The following ADAMTSL1 variants were observed in gnomAD, a reference collection of about 807,000 sequenced individuals.
The protein encoded by ADAMTSL1 is ADAMTS-like protein 1.
Under a neutral mutation model 201.8 loss-of-function variants are expected in ADAMTSL1, and 126 were observed. The observed-to-expected ratio is 0.62, with a 90% CI of 0.54 to 0.72. ADAMTSL1 has a LOEUF of 0.72. ADAMTSL1 is among the 30% of genes least tolerant of loss of function. The probability of loss-of-function intolerance (pLI) is 0.00; values close to 1 mark genes in which losing one functional copy is unlikely to be tolerated. For synonymous variants in ADAMTSL1, 1,121 were observed against 903.4 expected (o/e 1.24, Z -4.32); for missense variants, 2,679 against 2,277.8 (o/e 1.18, Z -3.59).
At chr9:18,830,653 G>A (rs1449511421) in intron 23 of ADAMTSL1, among the ~76,000 whole-genome samples, 1 of 152,000 alleles carries the variant, frequency 6.6e-6, no homozygotes, top group Non-Finnish European at 1.5e-5. Context: ...TGAAGATGCC[G>A]GAAAAACCTT....
chr9:18,284,367 A>G (rs1470362854), intron 2 of ADAMTSL1, among the ~76,000 whole-genome samples: 1 of 152,132 alleles, frequency 6.6e-6, no homozygotes, highest in Non-Finnish European at 1.5e-5. Flanking sequence ...ATTTTAGCAT[A>G]TTCGGTTTTA....
intron 2 of ADAMTSL1, among the ~76,000 whole-genome samples, chr9:18,201,367 C>G (rs1829437765): frequency 6.6e-6 from 1 of 152,036 alleles, no homozygotes; most frequent in South Asian, 2.1e-4. Flanking sequence ...GAAGAGCATG[C>G]TTTGTTATGC....
chr9:17,957,626 A>C lies in ADAMTSL1; in HGVS notation c.87+50704A>C, dbSNP rs571887446. 6.4e-4 allele frequency among the ~76,000 whole-genome samples: 98 copies of C among 152,324 alleles called. 1 individual carries two copies. In the South Asian group the frequency reaches 0.019, roughly 29 times the overall value. ...GTAGTGGGTTGAATAGCATCCCCCC[A>C]AATTCATGTCCACTTAGAACCTCAG... is the stretch of plus-strand genomic sequence containing the variant. On this transcript the variant is annotated intron_variant, in intron 1 of 29. Transcript: ENST00000680146.
intron 1 of ADAMTSL1, among the ~76,000 whole-genome samples, chr9:17,980,978 A>G (rs1818667849): frequency 2.0e-5 from 3 of 152,062 alleles, no homozygotes; most frequent in African/African-American, 4.8e-5. Flanking sequence ...TTTTGGGGAA[A>G]CTCTCCTGGG....
At chr9:18,552,789 A>G (rs1820865780) in intron 3 of ADAMTSL1, among the ~76,000 whole-genome samples, 1 of 151,636 alleles carries the variant, frequency 6.6e-6, no homozygotes, top group Non-Finnish European at 1.5e-5. Flanking sequence ...CTTTATCAGT[A>G]GTAATCCTTT....
intron 2 of ADAMTSL1, among the ~76,000 whole-genome samples, chr9:18,225,966 G>C (rs928613185): frequency 6.6e-6 from 1 of 152,010 alleles, no homozygotes; most frequent in Non-Finnish European, 1.5e-5. Flanking sequence ...AGCCTGGTAG[G>C]TGGGTGCTGG....
chr9:18,788,341 T>C (rs1277449220), intron 19 of ADAMTSL1, among the ~76,000 whole-genome samples: 3 of 152,170 alleles, frequency 2.0e-5, no homozygotes, highest in Non-Finnish European at 4.4e-5. Flanking sequence ...TGATTGTCTA[T>C]TTCCCTAAGT....
intron 16 of ADAMTSL1, among the ~76,000 whole-genome samples, chr9:18,755,862 C>A (rs1306667763): frequency 6.6e-6 from 1 of 151,852 alleles, no homozygotes; most frequent in Non-Finnish European, 1.5e-5. Context: ...GTTTGAAGTT[C>A]ATCCAATGCA....
At chr9:18,033,983 C>T (rs1010012494) in intron 1 of ADAMTSL1, among the ~76,000 whole-genome samples, 1 of 152,164 alleles carries the variant, frequency 6.6e-6, no homozygotes, top group Admixed American at 6.6e-5. Context: ...TTCTTCCCTC[C>T]TCTCTTCTCT....
chr9:18,084,211 T>C (rs1266546626), intron 1 of ADAMTSL1, among the ~76,000 whole-genome samples: 1 of 152,122 alleles, frequency 6.6e-6, no homozygotes, highest in African/African-American at 2.4e-5. Context: ...CTGTTCTTTA[T>C]GTAAAATAAA....
intron 9 of ADAMTSL1, among the ~76,000 whole-genome samples, chr9:18,668,072 A>G (rs1829571856): frequency 6.6e-6 from 1 of 151,572 alleles, no homozygotes; most frequent in South Asian, 2.1e-4. Flanking sequence ...GAAATGGTTG[A>G]CTTATTTAGC....
Position 18,622,278 on chromosome 9 carries a change from C to G in ADAMTSL1, c.510C>G (p.Val170=). 6.2e-7 allele frequency: 1 copy of G among 1,614,002 alleles called. No homozygotes were observed. The highest frequency in any genetic ancestry group is 8.5e-7 in the Non-Finnish European group (1 of 1,179,924). The change falls in exon 5 of 29, where the codon GTC becomes GTG. Residue 170 remains valine (V), a synonymous_variant. Transcript: ENST00000380548. ...VGCDHQLGST[V]KEDNCGVCNG... Reference sequence around the variant, plus strand: ...GCGATCACCAGCTGGGAAGCACCGTCAAGGAAGATAACTGTGGGGTCTGCA... The same window carrying G: ...GCGATCACCAGCTGGGAAGCACCGTGAAGGAAGATAACTGTGGGGTCTGCA...
chr9:18,808,606 A>T (rs554847735), intron 20 of ADAMTSL1, among the ~76,000 whole-genome samples: 150 of 152,348 alleles, frequency 9.8e-4, no homozygotes, highest in African/African-American at 3.5e-3. Context: ...CTGTAGGAAA[A>T]ATAACTTGGT....
intron 1 of ADAMTSL1, among the ~76,000 whole-genome samples, chr9:17,912,898 A>C (rs1381266300): frequency 3.3e-5 from 5 of 151,982 alleles, no homozygotes; most frequent in African/African-American, 4.8e-5. Context: ...TCAGCTTTCT[A>C]CATATGGCTA....
At chr9:18,043,132 T>C (rs1821501486) in intron 1 of ADAMTSL1, among the ~76,000 whole-genome samples, 1 of 152,144 alleles carries the variant, frequency 6.6e-6, no homozygotes, top group African/African-American at 2.4e-5. Context: ...ATGTCACAAT[T>C]ACCTGGGATA....
intron 2 of ADAMTSL1, among the ~76,000 whole-genome samples, chr9:18,182,716 G>T (rs987544752): frequency 1.2e-4 from 19 of 152,194 alleles, no homozygotes; most frequent in African/African-American, 4.3e-4. Flanking sequence ...AGACATTTCA[G>T]ATCATATCAG....
intron 23 of ADAMTSL1, among the ~76,000 whole-genome samples, chr9:18,869,560 C>T (rs1217640061): frequency 6.6e-6 from 1 of 152,210 alleles, no homozygotes; most frequent in African/African-American, 2.4e-5. Context: ...CAGTAAATTT[C>T]ATTTTTAAAG....
rs76619029 is a variant in ADAMTSL1, at chr9:18,150,217, T to C, written c.88-13645T>C. Among the ~76,000 whole-genome samples the C allele has an allele frequency of 2.4e-3, 362 of 152,170 alleles. 1 individual carries two copies. Among genetic ancestry groups the C allele is most frequent in the African/African-American group, 8.0e-3 (333 of 41,542 alleles). On this transcript the variant is annotated intron_variant, in intron 1 of 29. Coordinates refer to the ADAMTSL1 transcript ENST00000680146. The stretch of plus-strand genomic sequence containing the variant: ...TCCAGGAATAATTGGTAGAATAAGA[T>C]AGTAGTGGTATAACAATGGAGCACC...
At chr9:18,587,805 G>A (rs1823610331) in intron 4 of ADAMTSL1, among the ~76,000 whole-genome samples, 1 of 152,100 alleles carries the variant, frequency 6.6e-6, no homozygotes, top group Non-Finnish European at 1.5e-5. Context: ...GCAAATGACA[G>A]GATTTCATTT....
Sources: gnomAD v4.1 joint callset for allele counts (sites outside exome capture counted in the v4.1 genomes callset) on GRCh38, gnomAD v4.1.1 for gene constraint, MANE v1.5 for transcripts, NCBI Gene and HGNC (gene_info 2026-07-23, HGNC 2026-07-21) for gene names.